Variants in SP140 observed in about 807,000 individuals in gnomAD.
SP140 encodes the protein nuclear body protein SP140.
A neutral mutation model predicts 125.0 loss-of-function variants in SP140; 81 were observed. That is an observed-to-expected ratio of 0.65 (90% CI 0.54 to 0.78). The LOEUF is 0.78. Ranked by LOEUF, SP140 falls within the 30% of genes least tolerant of loss-of-function variation. The pLI, the probability that SP140 is intolerant of heterozygous loss-of-function variation, is 0.00. For missense variants in SP140, 858 were observed against 1,037.0 expected, an observed-to-expected ratio of 0.83 and a Z score of 2.37; for synonymous variants, 312 against 354.0, an observed-to-expected ratio of 0.88 and a Z score of 1.33.
intron 15 of SP140, among the ~76,000 whole-genome samples, chr2:230,273,138 A>T (rs1009952441): frequency 1.3e-5 from 2 of 152,242 alleles, no homozygotes; most frequent in Admixed American, 1.3e-4. Context: ...AAAAGAAGCT[A>T]TCATCAGAGT....
At chr2:230,229,032 T>G (rs974346696) in intron 1 of SP140, among the ~76,000 whole-genome samples, 4 of 152,172 alleles carry the variant, frequency 2.6e-5, no homozygotes, top group Non-Finnish European at 5.9e-5. Flanking sequence ...CTCTCCCTTC[T>G]TAGCATATCA....
chr2:230,312,797 T>C lies in SP140; in HGVS notation c.*113T>C. 1.4e-6 allele frequency: 1 copy of C among 737,270 alleles called. No homozygotes were observed. The highest frequency in any genetic ancestry group is 2.3e-6 in the Non-Finnish European group (1 of 425,542). 45.7% of individuals were successfully genotyped at this position (737,270 alleles called of 1,614,324 possible). A position where few individuals can be genotyped will look rare whatever the true frequency, so the allele number is the denominator to read the frequency against. On this transcript the variant is annotated 3_prime_UTR_variant, in exon 27 of 27. Coordinates refer to ENST00000392045, the MANE Select transcript of SP140 (RefSeq NM_007237.5). ...GGGCACAGCACATGCAGGGAGGGGC[T>C]TTTCTCTGAGCCTCCTTCATCTGCC...
intron 15 of SP140, among the ~76,000 whole-genome samples, chr2:230,271,904 C>A (rs376878524): frequency 3.3e-5 from 5 of 152,090 alleles, no homozygotes; most frequent in Non-Finnish European, 5.9e-5. Context: ...TTTGAAGAGA[C>A]GTAGCATGTG....
chr2:230,244,519 G>A (rs2049140930), intron 5 of SP140, among the ~76,000 whole-genome samples: 1 of 152,194 alleles, frequency 6.6e-6, no homozygotes, highest in Admixed American at 6.5e-5. Context: ...GAGTGGGCCA[G>A]GGCCTGGTGC....
intron 1 of SP140, among the ~76,000 whole-genome samples, chr2:230,204,446 G>A (rs2043532126): frequency 6.6e-6 from 1 of 152,144 alleles, no homozygotes; most frequent in African/African-American, 2.4e-5. Flanking sequence ...TTGGAGAATT[G>A]TATTGGAAAT....
chr2:230,212,367 A>G, intron 1 of SP140: 1 of 1,612,782 alleles, frequency 6.2e-7, no homozygotes, highest in Non-Finnish European at 8.5e-7. Context: ...GCTAGTGAGG[A>G]GGCTGGGCAT....
At position 230,253,140 on chromosome 2, in the gene SP140, T is replaced by C. The variant is rs187400779; in HGVS notation, c.1058-176T>C. Among the ~76,000 whole-genome samples the C allele has an allele frequency of 1.0e-3, 157 of 152,134 alleles. 1 individual carries two copies. Among genetic ancestry groups the C allele is most frequent in the African/African-American group, 3.4e-3 (143 of 41,484 alleles). ...AAGCGCTGCTCAGCTAGGAGGGAAC[T>C]ATGTGGAGGCAGAACGGTGAGGAGG... is the stretch of plus-strand genomic sequence containing the variant. On this transcript the variant is annotated intron_variant, in intron 10 of 26. Transcript: ENST00000392045.
the SP140 span, among the ~76,000 whole-genome samples, chr2:230,198,000 C>T: frequency 6.6e-6 from 1 of 152,324 alleles, no homozygotes. Flanking sequence ...TATTGTATCA[C>T]ACAAGACAGG....
In SP140 at chr2:230,269,888, T is replaced by C. The variant is rs754297271; in HGVS notation, c.1379T>C (p.Phe460Ser). The stretch of plus-strand genomic sequence containing the variant: ...GAGAAGTGTTCCTGTGTCATGTGTT[T>C]CTCAGAAGAGGTGCCAGGAAGCCCA... The part of the protein sequence containing the change: ...ENEKCSCVMC[F>S]SEEVPGSPEA... The change falls in exon 14 of 27, where the codon TTC (phenylalanine) becomes TCC (serine). Residue 460 changes from phenylalanine to serine, a missense_variant. Physicochemically the swap from Phe to Ser is radical, Grantham distance 155 (BLOSUM62 -2). Transcript: ENST00000392045. The C allele has an allele frequency of 1.2e-6, 2 of 1,614,102 alleles. No homozygotes were observed. The highest frequency in any genetic ancestry group is 1.7e-6 in the Non-Finnish European group (2 of 1,179,996).
intron 12 of SP140, among the ~76,000 whole-genome samples, chr2:230,265,476 C>T (rs1322475383): frequency 6.6e-6 from 1 of 152,204 alleles, no homozygotes; most frequent in Non-Finnish European, 1.5e-5. Context: ...AGGCGTCTCA[C>T]CCTGTTCAAA....
intron 15 of SP140, among the ~76,000 whole-genome samples, chr2:230,274,661 G>A (rs1349211020): frequency 6.6e-6 from 1 of 151,820 alleles, no homozygotes. Flanking sequence ...TATTACAGCA[G>A]CAATACCTTT....
At chr2:230,186,424 T>C in the SP140 span, among the ~76,000 whole-genome samples, 1,639 of 152,346 alleles carry the variant, frequency 0.011, 21 homozygotes, top group African/African-American at 0.037. Context: ...GACAGATACC[T>C]GGCCCACACC....
chr2:230,284,872 A>G (rs2056147837), intron 16 of SP140, among the ~76,000 whole-genome samples: 1 of 152,230 alleles, frequency 6.6e-6, no homozygotes, highest in Non-Finnish European at 1.5e-5. Flanking sequence ...AAAGACATAA[A>G]TATAGAAAAA....
chr2:230,194,874 T>C, the SP140 span, among the ~76,000 whole-genome samples: 4 of 152,174 alleles, frequency 2.6e-5, no homozygotes, highest in Non-Finnish European at 2.9e-5. Flanking sequence ...AAGTTGGTGT[T>C]AGGTTTGCTC....
upstream of SP140, among the ~76,000 whole-genome samples, chr2:230,222,648 C>T (rs1057281854): frequency 1.3e-5 from 2 of 151,088 alleles, no homozygotes; most frequent in Non-Finnish European, 2.9e-5. Context: ...TGCTTGAGCC[C>T]AGGAGGTCCA....
chr2:230,225,515 T>C (rs2046212343), upstream of SP140: 6 of 399,350 alleles, frequency 1.5e-5, no homozygotes, highest in South Asian at 1.3e-4. Flanking sequence ...GTTTACTTCC[T>C]CCTCATGATG....
intron 12 of SP140, among the ~76,000 whole-genome samples, chr2:230,257,596 A>G (rs1432294575): frequency 1.3e-5 from 2 of 152,084 alleles, no homozygotes; most frequent in Admixed American, 1.3e-4. Context: ...GCAAAACCCC[A>G]TCTCTACTAA....
chr2:230,231,863 T>C (rs942443684), intron 1 of SP140, among the ~76,000 whole-genome samples: 2 of 152,110 alleles, frequency 1.3e-5, no homozygotes, highest in African/African-American at 4.8e-5. Flanking sequence ...CCTGCCACCA[T>C]GCCCAGCTAA....
intron 18 of SP140, 147 bp from the exon 19 acceptor site, chr2:230,290,313 C>T: frequency 1.4e-6 from 1 of 692,530 alleles, no homozygotes; most frequent in Non-Finnish European, 2.4e-6. Flanking sequence ...ATCAAAAATG[C>T]CACTTGGAAG....
Sources: allele counts gnomAD v4.1 joint callset (sites outside exome capture counted in the v4.1 genomes callset), GRCh38; gene constraint gnomAD v4.1.1; transcripts MANE v1.5; gene names NCBI Gene and HGNC (gene_info 2026-07-23, HGNC 2026-07-21).